RLIM: variants seen among roughly 807,000 people sequenced by gnomAD.
RLIM encodes ring finger protein, LIM domain interacting, also known as E3 ubiquitin-protein ligase RLIM.
Under a neutral mutation model 34.0 loss-of-function variants are expected in RLIM, and 2 were observed. The observed-to-expected ratio is 0.06, with a 90% CI of 0.02 to 0.19. The LOEUF (loss-of-function observed/expected upper bound fraction) is 0.19. Ranked by LOEUF, RLIM falls within the 10% of genes least tolerant of loss-of-function variation. RLIM has a pLI of 1.00. For missense variants in RLIM, 286 were observed against 479.7 expected, an observed-to-expected ratio of 0.60 and a Z score of 3.77; for synonymous variants, 169 against 164.0, an observed-to-expected ratio of 1.03 and a Z score of -0.23.
chrX:74,598,641 T>G lies in RLIM; in HGVS notation c.-23-2641A>C, dbSNP rs186625569. Among the ~76,000 whole-genome samples, 485 of 109,055 alleles carry G rather than the reference T, an allele frequency of 4.4e-3. 1 individual carries two copies. Among genetic ancestry groups the G allele is most frequent in the African/African-American group, 0.016 (465 of 29,991 alleles). The allele number at this position is 109,055 out of a possible 115,157, so 94.7% of individuals were successfully genotyped here. A position where few individuals can be genotyped will look rare whatever the true frequency, so the allele number is the denominator to read the frequency against. ...AAAACACAAAAAAATTAGCTGGGTG[T>G]GGTGGCGGGCGCCTGTAGTCCCAGC... On this transcript the variant is annotated intron_variant, in intron 1 of 3. Transcript: ENST00000332687.
At chrX:74,604,330 TAAAA>T (rs898705155) in intron 1 of RLIM, among the ~76,000 whole-genome samples, 1 of 106,609 alleles carries the variant, frequency 9.4e-6, no homozygotes, top group Non-Finnish European at 1.9e-5. Context: ...AAGCTTAAAA[TAAAA>T]AAAAAACTTA....
intron 2 of RLIM, 34 bp from the exon 3 acceptor site, chrX:74,594,423 T>C (rs775856503): frequency 1.2e-4 from 119 of 973,547 alleles, no homozygotes; most frequent in Non-Finnish European, 1.7e-4. Context: ...AAGATGACAT[T>C]AGGGGTATGA....
chrX:74,606,356 T>A (rs2079682153), intron 1 of RLIM, among the ~76,000 whole-genome samples: 1 of 111,762 alleles, frequency 8.9e-6, no homozygotes, highest in African/African-American at 3.3e-5. Flanking sequence ...TGGGACTGTA[T>A]CCAGTAAGTT....
At chrX:74,605,101 C>T (rs1426716561) in intron 1 of RLIM, among the ~76,000 whole-genome samples, 1 of 111,277 alleles carries the variant, frequency 9.0e-6, no homozygotes, top group Non-Finnish European at 1.9e-5. Flanking sequence ...TAAGCTATGG[C>T]TACAATACCT....
At position 74,609,575 on chromosome X, in the gene RLIM, A is replaced by G. The variant is rs191482673; in HGVS notation, c.-24+4847T>C. Among the ~76,000 whole-genome samples the G allele has an allele frequency of 5.7e-4, 63 of 109,868 alleles. No individual in the cohort carries two copies. In the East Asian group the frequency reaches 0.015, roughly 27 times the overall value. On this transcript the variant is annotated intron_variant, in intron 1 of 3. Transcript: ENST00000332687. ...TCTATACCAATCAGTTATTTGAGGA[A>G]GTAATTTTGTATTTAAGACCAACCA...
chrX:74,604,362 G>C (rs1407042375), intron 1 of RLIM, among the ~76,000 whole-genome samples: 1 of 111,022 alleles, frequency 9.0e-6, no homozygotes, highest in Non-Finnish European at 1.9e-5. Context: ...AGTTTCACTA[G>C]TCTTATTTCA....
intron 1 of RLIM, among the ~76,000 whole-genome samples, chrX:74,610,800 G>C (rs1028869972): frequency 1.8e-5 from 2 of 110,027 alleles, no homozygotes; most frequent in Non-Finnish European, 3.8e-5. Context: ...TGAGGTAAGA[G>C]AATTGCTTGA....
chrX:74,600,850 T>TAAAA (rs1242204233), intron 1 of RLIM, among the ~76,000 whole-genome samples: 3 of 71,234 alleles, frequency 4.2e-5, no homozygotes, highest in African/African-American at 1.7e-4. Flanking sequence ...CATCTCTACT[T>TAAAA]AAAAAAAAAA....
rs1931344017 is a variant in RLIM, at chrX:74,586,035, T to C, written c.*5405A>G. ...ATTGCTGCCCTGTTCTTTGTATGAA[T>C]CCAAGTAAACAACTATACCAAAGCA... On this transcript the variant is annotated 3_prime_UTR_variant, in exon 4 of 4. Transcript: ENST00000332687. The C allele has an allele frequency of 8.9e-6, 1 of 111,756 alleles. No individual in the cohort carries two copies. Among genetic ancestry groups the C allele is most frequent in the Admixed American group, 9.5e-5 (1 of 10,495 alleles). 9.2% of individuals were successfully genotyped at this position (111,756 alleles called of 1,213,427 possible).
chrX:74,597,316 A>T (rs943594627), intron 1 of RLIM, among the ~76,000 whole-genome samples: 2 of 112,028 alleles, frequency 1.8e-5, no homozygotes, highest in Non-Finnish European at 3.8e-5. Flanking sequence ...ATTGAAAAGC[A>T]ATGTCACTAA....
intron 1 of RLIM, among the ~76,000 whole-genome samples, chrX:74,602,159 C>T (rs985802832): frequency 1.8e-5 from 2 of 111,464 alleles, no homozygotes; most frequent in Non-Finnish European, 3.8e-5. Flanking sequence ...TCAGTGGATT[C>T]CTAGGATGGG....
chrX:74,597,204 A>G (rs2079643469), intron 1 of RLIM, among the ~76,000 whole-genome samples: 1 of 112,282 alleles, frequency 8.9e-6, no homozygotes, highest in Non-Finnish European at 1.9e-5. Context: ...ATGGTGAGTT[A>G]GTGAAATTAT....
At chrX:74,600,293 C>A (rs993248077) in intron 1 of RLIM, among the ~76,000 whole-genome samples, 10 of 108,685 alleles carry the variant, frequency 9.2e-5, no homozygotes, top group Non-Finnish European at 1.5e-4. Flanking sequence ...TAAAAAAATA[C>A]AAAACAAAAC....
chrX:74,610,960 G>T (rs1305707201), intron 1 of RLIM, among the ~76,000 whole-genome samples: 2 of 110,359 alleles, frequency 1.8e-5, no homozygotes, highest in Admixed American at 9.6e-5. Context: ...TGAATTGCTG[G>T]ATTATCTGGG....
rs745577842 is a variant in RLIM at position 74,584,587 on chromosome X, G to T, written c.*6853C>A. On this transcript the variant is annotated 3_prime_UTR_variant, in exon 4 of 4. Coordinates refer to ENST00000332687, the MANE Select transcript of RLIM (RefSeq NM_016120.4). ...AATCCTTTCTTCTAGGTATCTGGGG[G>T]TTTTTTTGAGACAAGGTTTTGCTCT... Among the ~76,000 whole-genome samples, 102 of 110,877 alleles carry T rather than the reference G, an allele frequency of 9.2e-4. No individual in the cohort carries two copies. The highest frequency in any genetic ancestry group is 1.5e-3 in the South Asian group (4 of 2,615).
intron 3 of RLIM, among the ~76,000 whole-genome samples, chrX:74,593,375 T>C (rs2079625330): frequency 1.8e-5 from 2 of 112,310 alleles, no homozygotes; most frequent in African/African-American, 6.5e-5. Flanking sequence ...GAAGACGTTT[T>C]TTCAGTCCTC....
Position 74,587,869 on chromosome X carries a change from C to T in RLIM, c.*3571G>A, listed in dbSNP as rs988886452. The T allele has an allele frequency of 1.8e-5, 2 of 112,256 alleles. No homozygotes were observed. Among genetic ancestry groups the T allele is most frequent in the Non-Finnish European group, 3.8e-5 (2 of 53,263 alleles). The allele number at this position is 112,256 out of a possible 1,213,427, so 9.3% of individuals were successfully genotyped here. On this transcript the variant is annotated 3_prime_UTR_variant, in exon 4 of 4. Transcript: ENST00000332687. Reference sequence around the variant, plus strand: ...CATTACTTGAGGCAACACTTACAGCCAATCAGTTTCCTAATCTTAAGGTTT... The same window carrying T: ...CATTACTTGAGGCAACACTTACAGCTAATCAGTTTCCTAATCTTAAGGTTT...
Position 74,584,048 on chromosome X carries a change from CA to C in RLIM, c.*7391del, listed in dbSNP as rs1190496780. Among the ~76,000 whole-genome samples, 1 of 111,442 alleles carries C rather than the reference CA, an allele frequency of 9.0e-6. No homozygotes were observed. The highest frequency in any genetic ancestry group is 1.9e-5 in the Non-Finnish European group (1 of 53,056). ...CGACAGGGCGAGAATCCATCTCAAA[CA>C]AACAAAAAAATAAACAAAAACCAAT... is the stretch of plus-strand genomic sequence containing the variant. On this transcript the variant is annotated 3_prime_UTR_variant, in exon 4 of 4. Coordinates refer to ENST00000332687, the MANE Select transcript of RLIM (RefSeq NM_016120.4).
At position 74,589,507 on chromosome X, in the gene RLIM, G is replaced by A. The variant is rs1462090558; in HGVS notation, c.*1933C>T. The A allele has an allele frequency of 8.9e-6, 1 of 112,171 alleles. No individual in the cohort carries two copies. The highest frequency in any genetic ancestry group is 1.9e-5 in the Non-Finnish European group (1 of 53,217). The allele number at this position is 112,171 out of a possible 1,213,427, so 9.2% of individuals were successfully genotyped here. Reference sequence around the variant, plus strand: ...TGGACATTATTTCCTTGCAAGAGCAGTACATATCCTTAGTAAACAACTACC... The same window carrying A: ...TGGACATTATTTCCTTGCAAGAGCAATACATATCCTTAGTAAACAACTACC... On this transcript the variant is annotated 3_prime_UTR_variant, in exon 4 of 4. Transcript: ENST00000332687.
Sources: allele counts gnomAD v4.1 joint callset (sites outside exome capture counted in the v4.1 genomes callset), GRCh38; gene constraint gnomAD v4.1.1; transcripts MANE v1.5; gene names NCBI Gene and HGNC (gene_info 2026-07-23, HGNC 2026-07-21).